Variants in DOCK3 observed in about 807,000 individuals in gnomAD.
DOCK3 encodes dedicator of cytokinesis protein 3.
DOCK3 carries 60 observed loss-of-function variants against 265.6 expected under a neutral mutation model. The ratio of observed to expected loss-of-function variants is 0.23; its 90% CI spans 0.18 to 0.28. DOCK3 has a LOEUF of 0.28. Ranked by LOEUF, DOCK3 falls within the 10% of genes least tolerant of loss-of-function variation. DOCK3 has a pLI of 1.00. For synonymous variants in DOCK3, 881 were observed against 938.0 expected, an observed-to-expected ratio of 0.94 and a Z score of 1.11; for missense variants, 1,981 against 2,594.3, an observed-to-expected ratio of 0.76 and a Z score of 5.14.
At chr3:50,810,272 G>A (rs1012347915) in intron 2 of DOCK3, among the ~76,000 whole-genome samples, 1 of 151,894 alleles carries the variant, frequency 6.6e-6, no homozygotes, top group African/African-American at 2.4e-5. Flanking sequence ...TTTAGCTGGC[G>A]GGGTGCGGTG....
At chr3:50,838,199 G>A (rs1186343400) in intron 2 of DOCK3, among the ~76,000 whole-genome samples, 1 of 152,150 alleles carries the variant, frequency 6.6e-6, no homozygotes, top group Non-Finnish European at 1.5e-5. Context: ...AGTTACTGAG[G>A]AAGGGAAGAG....
chr3:50,717,645 C>A (rs527294444), intron 1 of DOCK3, among the ~76,000 whole-genome samples: 4 of 152,216 alleles, frequency 2.6e-5, no homozygotes, highest in African/African-American at 9.6e-5. Context: ...TAAATTGAGA[C>A]GGAGTCTCAC....
chr3:51,266,709 A>G (rs1041181041), intron 23 of DOCK3, among the ~76,000 whole-genome samples: 1 of 152,250 alleles, frequency 6.6e-6, no homozygotes, highest in African/African-American at 2.4e-5. Context: ...CATAAGACCT[A>G]AAACCATAAC....
chr3:50,920,358 G>C (rs1216699716), intron 4 of DOCK3, among the ~76,000 whole-genome samples: 3 of 152,124 alleles, frequency 2.0e-5, no homozygotes, highest in African/African-American at 7.2e-5. Context: ...GTCGAATTTT[G>C]CTGTGAATCC....
At chr3:50,726,207 T>C (rs1459603949) in intron 1 of DOCK3, among the ~76,000 whole-genome samples, 1 of 152,190 alleles carries the variant, frequency 6.6e-6, no homozygotes, top group Non-Finnish European at 1.5e-5. Flanking sequence ...TTTTCCTGAA[T>C]ATTTTTGATT....
intron 1 of DOCK3, chr3:50,719,378 G>A (rs1408172546): frequency 2.3e-6 from 1 of 441,282 alleles, no homozygotes. Flanking sequence ...TGCAGCAAGA[G>A]CACAGTGATT....
At chr3:51,160,829 C>A (rs2086090750) in intron 12 of DOCK3, 127 bp downstream of exon 12, 2 of 1,198,110 alleles carry the variant, frequency 1.7e-6, no homozygotes, top group Non-Finnish European at 2.2e-6. Flanking sequence ...GTATTCCCAA[C>A]ACTTTGGGAG....
intron 2 of DOCK3, among the ~76,000 whole-genome samples, chr3:50,810,294 T>C (rs2106744437): frequency 6.6e-6 from 1 of 152,132 alleles, no homozygotes; most frequent in East Asian, 1.9e-4. Flanking sequence ...CTTATGCCTG[T>C]AATCCTAGCA....
intron 3 of DOCK3, among the ~76,000 whole-genome samples, chr3:50,858,761 T>C (rs888673996): frequency 5.3e-5 from 8 of 152,200 alleles, no homozygotes; most frequent in Non-Finnish European, 7.3e-5. Flanking sequence ...GTCGTTTGCT[T>C]TCTCCCCCTC....
At chr3:50,930,394 C>T (rs556633826) in intron 4 of DOCK3, among the ~76,000 whole-genome samples, 14 of 152,316 alleles carry the variant, frequency 9.2e-5, no homozygotes, top group African/African-American at 3.4e-4. Flanking sequence ...AAGTCTTCTG[C>T]CTGCTCCCTG....
At chr3:50,934,602 G>A (rs1222797440) in intron 5 of DOCK3, among the ~76,000 whole-genome samples, 3 of 152,088 alleles carry the variant, frequency 2.0e-5, no homozygotes, top group Non-Finnish European at 2.9e-5. Flanking sequence ...TGAGGCAGGA[G>A]GACTGCTTAA....
intron 1 of DOCK3, among the ~76,000 whole-genome samples, chr3:50,759,324 A>T (rs997517341): frequency 3.3e-5 from 5 of 152,100 alleles, no homozygotes; most frequent in African/African-American, 1.2e-4. Context: ...TTACATCCCC[A>T]CCAGCAATGC....
At chr3:51,081,070 G>A (rs4244701) in intron 7 of DOCK3, among the ~76,000 whole-genome samples, 137,084 of 152,116 alleles carry the variant, frequency 0.9, 61,963 homozygotes, top group African/African-American at 0.95. Flanking sequence ...ACTCAATAAT[G>A]ATTAGTTAAT....
intron 27 of DOCK3, among the ~76,000 whole-genome samples, chr3:51,284,612 C>G (rs193093214): frequency 3.0e-4 from 45 of 152,278 alleles, no homozygotes; most frequent in Admixed American, 1.4e-3. Context: ...GCACATAATT[C>G]CAGTGGCTGC....
intron 14 of DOCK3, among the ~76,000 whole-genome samples, chr3:51,217,205 G>A (rs1248684564): frequency 1.3e-5 from 2 of 150,278 alleles, no homozygotes; most frequent in East Asian, 3.9e-4. Context: ...AAAGCATACT[G>A]GCAGAGCTGT....
intron 2 of DOCK3, among the ~76,000 whole-genome samples, chr3:50,781,230 T>A (rs1300974558): frequency 1.3e-5 from 2 of 148,662 alleles, no homozygotes; most frequent in Non-Finnish European, 3.0e-5. Flanking sequence ...AAAAAAAGAA[T>A]CCCACTGGGG....
At chr3:50,720,131 C>G (rs1376247902) in intron 1 of DOCK3, among the ~76,000 whole-genome samples, 1 of 151,382 alleles carries the variant, frequency 6.6e-6, no homozygotes, top group East Asian at 1.9e-4. Flanking sequence ...TACCTGGAAT[C>G]TTTTTTTTTA....
chr3:50,878,345 A>G (rs1381205852), intron 3 of DOCK3, among the ~76,000 whole-genome samples: 1 of 152,214 alleles, frequency 6.6e-6, no homozygotes, highest in Non-Finnish European at 1.5e-5. Flanking sequence ...CTAAAGGAGG[A>G]TATTTGAACC....
chr3:51,300,556 T>C (rs1009550393), intron 27 of DOCK3, among the ~76,000 whole-genome samples: 1 of 152,230 alleles, frequency 6.6e-6, no homozygotes, highest in Non-Finnish European at 1.5e-5. Context: ...ATGCCACTTA[T>C]TATTTTGCAA....
Sources: allele counts gnomAD v4.1 joint callset (sites outside exome capture counted in the v4.1 genomes callset), GRCh38; gene constraint gnomAD v4.1.1; transcripts MANE v1.5; gene names NCBI Gene and HGNC (gene_info 2026-07-23, HGNC 2026-07-21).